The following DMBX1 variants were observed in gnomAD, a reference collection of about 807,000 sequenced individuals.
The protein encoded by DMBX1 is diencephalon/mesencephalon homeobox 1, also known as diencephalon/mesencephalon homeobox protein 1.
DMBX1 carries 7 observed loss-of-function variants against 30.4 expected under a neutral mutation model. The observed-to-expected ratio is 0.23, with a 90% CI of 0.13 to 0.43. The LOEUF is 0.43. Ranked by LOEUF, DMBX1 falls within the 20% of genes least tolerant of loss-of-function variation. DMBX1 has a pLI of 1.00. For synonymous variants in DMBX1, 222 were observed against 214.2 expected (o/e 1.04, Z -0.32); for missense variants, 460 against 508.5 (o/e 0.90, Z 0.92).
Position 46,510,553 on chromosome 1 carries a change from C to T in DMBX1, c.232C>T (p.Leu78Phe), listed in dbSNP as rs779458310. ...CCGCACAGCGTTCACGGCTCAGCAG[C>T]TCGAGGCCCTGGAAAAGACCTTCCA... is the stretch of plus-strand genomic sequence containing the variant. The part of the protein sequence containing the change: ...RSRTAFTAQQ[L>F]EALEKTFQKT... Residue 78 changes from leucine (L) to phenylalanine (F), a missense_variant, in exon 4 of 6, where the codon CTC becomes TTC. This residue lies in a region of DMBX1 where 124 missense variants were observed against 144.0 expected (regional missense o/e 0.86). Coordinates refer to ENST00000360032, the MANE Select transcript of DMBX1 (RefSeq NM_172225.2). The surrounding 1 kb of genome is among the most constrained non-coding windows in gnomAD (Gnocchi z 4.1). The T allele has an allele frequency of 6.2e-7, 1 of 1,614,204 alleles. No individual in the cohort carries two copies. The highest frequency in any genetic ancestry group is 2.2e-5 in the East Asian group (1 of 44,896).
chr1:46,512,534 C>G lies in DMBX1; in HGVS notation c.*40C>G. ...ACCCAGCCAGGGGTCTTAGGTGTCC[C>G]CTCCTAGCCCTGTGGTTATCCCTAG... On this transcript the variant is annotated 3_prime_UTR_variant, in exon 6 of 6. Transcript: ENST00000360032. The surrounding 1 kb of genome is among the most constrained non-coding windows in gnomAD (Gnocchi z 4.8). 1 of 1,567,350 alleles carries G rather than the reference C, an allele frequency of 6.4e-7. No individual in the cohort carries two copies. Among genetic ancestry groups the G allele is most frequent in the Non-Finnish European group, 8.7e-7 (1 of 1,154,848 alleles).
chr1:46,511,920 T>A, intron 5 of DMBX1, 123 bp from the exon 6 acceptor site: 1 of 958,532 alleles, frequency 1.0e-6, no homozygotes, highest in South Asian at 1.6e-5. Flanking sequence ...ATGGGATGGA[T>A]GTGGTTTCAG....
In DMBX1 at chr1:46,512,218, G is replaced by T. The variant is rs373688410; in HGVS notation, c.858G>T (p.Pro286=). 3 of 1,613,854 alleles carry T rather than the reference G, an allele frequency of 1.9e-6. No individual in the cohort carries two copies. Among genetic ancestry groups the T allele is most frequent in the Non-Finnish European group, 2.5e-6 (3 of 1,179,964 alleles). ...VHYSSFEVGG[P]APAAAAAAAA... ...ACTCGTCCTTCGAAGTAGGGGGTCC[G>T]GCCCCTGCTGCTGCAGCGGCGGCTG... Residue 286 remains proline (P), a synonymous_variant, in exon 6 of 6, where the codon CCG becomes CCT. Coordinates refer to ENST00000360032, the MANE Select transcript of DMBX1 (RefSeq NM_172225.2). The surrounding 1 kb of genome is among the most constrained non-coding windows in gnomAD (Gnocchi z 4.8).
intron 2 of DMBX1, among the ~76,000 whole-genome samples, chr1:46,494,889 C>T (rs929654518): frequency 5.9e-5 from 9 of 152,240 alleles, no homozygotes; most frequent in East Asian, 1.9e-4. Flanking sequence ...GCAGGGTTAA[C>T]GGTGGCGATG....
In DMBX1 at chr1:46,516,008, C is replaced by T. The variant is rs1666484416; in HGVS notation, c.*3514C>T. On this transcript the variant is annotated 3_prime_UTR_variant, in exon 6 of 6. Transcript: ENST00000360032. ...CATTTGTGCTTAGAGGTCGTGCCAG[C>T]CCATGGCAAAGACACTGTGTACTGT... Among the ~76,000 whole-genome samples, 2 of 152,202 alleles carry T rather than the reference C, an allele frequency of 1.3e-5. No homozygotes were observed.
At chr1:46,492,019 G>T (rs1401017410) in intron 2 of DMBX1, among the ~76,000 whole-genome samples, 1 of 152,180 alleles carries the variant, frequency 6.6e-6, no homozygotes, top group Non-Finnish European at 1.5e-5. Flanking sequence ...TCAGGAGGGG[G>T]GTAAACACCT....
rs1027332729 is a variant in DMBX1 at position 46,493,138 on chromosome 1, C to T, written c.-13+2355C>T. On this transcript the variant is annotated intron_variant, in intron 2 of 5. Transcript: ENST00000360032. The surrounding 1 kb of genome is among the most constrained non-coding windows in gnomAD (Gnocchi z 4.1). ...TTCTCACAGTCCCGCTCGGCCGCCC[C>T]GCAGTGCCCATGTAAATGACAGCAA... is the stretch of plus-strand genomic sequence containing the variant. Among the ~76,000 whole-genome samples, 12 of 152,202 alleles carry T rather than the reference C, an allele frequency of 7.9e-5. No individual in the cohort carries two copies. Among genetic ancestry groups the T allele is most frequent in the African/African-American group, 2.7e-4 (11 of 41,450 alleles).
At chr1:46,508,033 G>C (rs541074541) in intron 3 of DMBX1, among the ~76,000 whole-genome samples, 26 of 152,158 alleles carry the variant, frequency 1.7e-4, no homozygotes, top group African/African-American at 5.3e-4. Flanking sequence ...GCCCTGCCCT[G>C]CCAGCCTCTC....
chr1:46,511,098 C>G lies in DMBX1; in HGVS notation c.497C>G (p.Pro166Arg). The change falls in exon 5 of 6, where the codon CCT (proline) becomes CGT (arginine). Residue 166 changes from proline (P) to arginine (R), a missense_variant. Physicochemically the swap from Pro to Arg is moderately radical, Grantham distance 103. Around this residue, in one of 3 missense-constraint regions of DMBX1, gnomAD observed 334 missense variants for 345.1 expected, o/e 0.97. Coordinates refer to ENST00000360032, the MANE Select transcript of DMBX1 (RefSeq NM_172225.2). ...GACACTGAGCAGCCCCCACGTCTGC[C>G]TGGCAGCGACCCCCCTGCTGAGCTT... The part of the protein sequence containing the change: ...QLDTEQPPRL[P>R]GSDPPAELHL... The G allele has an allele frequency of 6.2e-7, 1 of 1,614,110 alleles. No individual in the cohort carries two copies. The highest frequency in any genetic ancestry group is 8.5e-7 in the Non-Finnish European group (1 of 1,180,012).
intron 2 of DMBX1, among the ~76,000 whole-genome samples, chr1:46,502,852 C>T (rs1031396817): frequency 1.3e-5 from 2 of 152,180 alleles, no homozygotes; most frequent in Non-Finnish European, 2.9e-5. Flanking sequence ...TGCACTTCAG[C>T]CTGGGAGACA....
Position 46,507,215 on chromosome 1 carries a change from G to A in DMBX1, c.154+51G>A. On this transcript the variant is annotated intron_variant, in intron 3 of 5. Transcript: ENST00000360032. ...GGGGACAGGACTGTGGGGGTTGGGG[G>A]AGAAGGCTCTGGAAGGCAAAGAGGA... 5 of 1,601,308 alleles carry A rather than the reference G, an allele frequency of 3.1e-6. No individual in the cohort carries two copies. In the African/African-American group the frequency reaches 5.3e-5, roughly 17 times the overall value.
rs533037799 is a variant in DMBX1, at chr1:46,515,067, G to T, written c.*2573G>T. Among the ~76,000 whole-genome samples, 29 of 152,230 alleles carry T rather than the reference G, an allele frequency of 1.9e-4. No homozygotes were observed. Among genetic ancestry groups the T allele is most frequent in the Middle Eastern group, 3.4e-3 (1 of 294 alleles). ...GCATTTGAGGGTTTCCAAATCCTCA[G>T]GTCTCTTGCTGGGGTCTGGAATTTG... On this transcript the variant is annotated 3_prime_UTR_variant, in exon 6 of 6. Transcript: ENST00000360032.
In DMBX1 at chr1:46,510,527, G is replaced by A; in HGVS notation, c.206G>A (p.Ser69Asn). 6.2e-7 allele frequency: 1 copy of A among 1,614,166 alleles called. No individual in the cohort carries two copies. The highest frequency in any genetic ancestry group is 8.5e-7 in the Non-Finnish European group (1 of 1,180,032). Residue 69 changes from serine to asparagine, a missense_variant, in exon 4 of 6, where the codon AGC (serine) becomes AAC (asparagine). Ser to Asn is a conservative substitution (Grantham distance 46). This residue lies in a region of DMBX1 where 124 missense variants were observed against 144.0 expected (regional missense o/e 0.86). Transcript: ENST00000360032. This position sits in a 1 kb window ranked among gnomAD's most constrained non-coding sequence, Gnocchi z 4.1. ...YGSQHRKQRR[S>N]RTAFTAQQLE... The stretch of plus-strand genomic sequence containing the variant: ...TCCCAGCACCGCAAACAACGTCGCA[G>A]CCGCACAGCGTTCACGGCTCAGCAG...
At chr1:46,509,818 G>A (rs1390261325) in intron 3 of DMBX1, among the ~76,000 whole-genome samples, 2 of 149,908 alleles carry the variant, frequency 1.3e-5, no homozygotes, top group Admixed American at 6.6e-5. Context: ...CACCCTCCCC[G>A]CTCCACTCTT....
At chr1:46,505,796 A>G (rs1423289503) in intron 2 of DMBX1, among the ~76,000 whole-genome samples, 2 of 152,036 alleles carry the variant, frequency 1.3e-5, no homozygotes, top group Non-Finnish European at 2.9e-5. Context: ...AAAAAAAAAA[A>G]AAAGAAAGAA....
chr1:46,492,166 G>A (rs974480247), intron 2 of DMBX1, among the ~76,000 whole-genome samples: 2 of 152,238 alleles, frequency 1.3e-5, no homozygotes, highest in Non-Finnish European at 2.9e-5. Flanking sequence ...CGAAGGCCAT[G>A]GCGAAGGACA....
chr1:46,490,812 T>G (rs1163314143), intron 2 of DMBX1, among the ~76,000 whole-genome samples, 29 bp downstream of exon 2: 2 of 152,196 alleles, frequency 1.3e-5, no homozygotes, highest in African/African-American at 4.8e-5. Context: ...GTGGCCCTAG[T>G]TCCCTAGAAT....
In DMBX1 at chr1:46,515,582, T is replaced by G. The variant is rs1021604136; in HGVS notation, c.*3088T>G. 6.6e-6 allele frequency among the ~76,000 whole-genome samples: 1 copy of G among 152,216 alleles called. No individual in the cohort carries two copies. Among genetic ancestry groups the G allele is most frequent in the African/African-American group, 2.4e-5 (1 of 41,450 alleles). On this transcript the variant is annotated 3_prime_UTR_variant, in exon 6 of 6. Transcript: ENST00000360032. Reference sequence around the variant, plus strand: ...CCTGCCCTCGGAGGGCTCTCAAGTTTAGGGCACCAGCCTTGGGTACTGAAA... The same window carrying G: ...CCTGCCCTCGGAGGGCTCTCAAGTTGAGGGCACCAGCCTTGGGTACTGAAA...
At chr1:46,507,279 A>C in intron 3 of DMBX1, 115 bp downstream of exon 3, 1 of 1,338,062 alleles carries the variant, frequency 7.5e-7, no homozygotes, top group Non-Finnish European at 1.0e-6. Flanking sequence ...GGGGCTCAAA[A>C]AGACTCAGGT....
Sources: gnomAD v4.1 joint callset for allele counts (sites outside exome capture counted in the v4.1 genomes callset) on GRCh38, gnomAD v4.1.1 for gene constraint, gnomAD v4.1.1 regional missense constraint, Gnocchi (gnomAD v3.1) non-coding constraint, MANE v1.5 for transcripts, NCBI Gene and HGNC (gene_info 2026-07-23, HGNC 2026-07-21) for gene names.